The following AUTS2 variants were observed in gnomAD, a reference collection of about 807,000 sequenced individuals.
The protein encoded by AUTS2 is activator of transcription and developmental regulator AUTS2, also known as autism susceptibility gene 2 protein.
AUTS2 carries 17 observed loss-of-function variants against 112.4 expected under a neutral mutation model. The ratio of observed to expected loss-of-function variants is 0.15; its 90% confidence interval spans 0.10 to 0.23. The LOEUF (loss-of-function observed/expected upper bound fraction) is 0.23. AUTS2 is among the 10% of genes least tolerant of loss of function. AUTS2 has a pLI of 1.00. For missense variants in AUTS2, 1,510 were observed against 1,701.6 expected (o/e 0.89, Z 1.98); for synonymous variants, 751 against 702.7 (o/e 1.07, Z -1.09).
chr7:70,776,362 C>G (rs199739145), intron 13 of AUTS2, among the ~76,000 whole-genome samples: 1 of 152,144 alleles, frequency 6.6e-6, no homozygotes, highest in East Asian at 1.9e-4. Flanking sequence ...TCACAGCACT[C>G]CACTCCTTAT....
At chr7:70,407,348 A>G (rs1794580766) in intron 4 of AUTS2, among the ~76,000 whole-genome samples, 1 of 152,122 alleles carries the variant, frequency 6.6e-6, no homozygotes, top group African/African-American at 2.4e-5. Context: ...TCTTTTTTGC[A>G]GCTGTCTTTG....
intron 4 of AUTS2, among the ~76,000 whole-genome samples, chr7:70,407,311 A>C (rs944879356): frequency 1.3e-5 from 2 of 152,216 alleles, no homozygotes; most frequent in African/African-American, 4.8e-5. Flanking sequence ...TGTTAATTAC[A>C]GTGATACCAC....
At chr7:70,003,434 GT>G (rs1287275758) in intron 2 of AUTS2, among the ~76,000 whole-genome samples, 1 of 120,460 alleles carries the variant, frequency 8.3e-6, no homozygotes, top group Non-Finnish European at 1.6e-5. Context: ...ATATGAATAT[GT>G]TATATATGAA....
intron 1 of AUTS2, among the ~76,000 whole-genome samples, chr7:69,760,189 C>A (rs1178122572): frequency 9.4e-5 from 13 of 137,922 alleles, no homozygotes; most frequent in African/African-American, 3.0e-4. Flanking sequence ...AAAAAAAGTT[C>A]TTTTTTTCTT....
At chr7:70,613,103 C>G (rs566546586) in intron 5 of AUTS2, among the ~76,000 whole-genome samples, 2 of 152,114 alleles carry the variant, frequency 1.3e-5, no homozygotes, top group African/African-American at 4.8e-5. Flanking sequence ...ATGTTCTTTC[C>G]TATCATTAGC....
intron 1 of AUTS2, among the ~76,000 whole-genome samples, chr7:69,602,100 CACTT>C (rs1345599035): frequency 6.9e-6 from 1 of 145,518 alleles, no homozygotes; most frequent in African/African-American, 2.6e-5. Flanking sequence ...GTGTATATCT[CACTT>C]ATGCAGTTCT....
chr7:70,060,460 CTG>C (rs1286655176), intron 2 of AUTS2, among the ~76,000 whole-genome samples: 32 of 152,172 alleles, frequency 2.1e-4, no homozygotes, highest in Non-Finnish European at 2.9e-5. Context: ...GGCTGGCAAT[CTG>C]TGTTGTAAGC....
At chr7:70,283,392 A>G (rs1186222518) in intron 4 of AUTS2, among the ~76,000 whole-genome samples, 1 of 152,180 alleles carries the variant, frequency 6.6e-6, no homozygotes, top group Non-Finnish European at 1.5e-5. Flanking sequence ...ATGCAACATT[A>G]TTTTATGTAC....
At chr7:69,750,964 G>A (rs924075641) in intron 1 of AUTS2, among the ~76,000 whole-genome samples, 1 of 151,954 alleles carries the variant, frequency 6.6e-6, no homozygotes, top group Non-Finnish European at 1.5e-5. Flanking sequence ...AAAAGGAGAA[G>A]GGCATTGGAA....
chr7:69,647,218 A>G (rs942279652), intron 1 of AUTS2, among the ~76,000 whole-genome samples: 2 of 152,142 alleles, frequency 1.3e-5, no homozygotes, highest in South Asian at 2.1e-4. Context: ...TAATGATTGG[A>G]ATTTCAGACT....
intron 1 of AUTS2, among the ~76,000 whole-genome samples, chr7:69,633,151 A>T (rs1263008789): frequency 6.6e-6 from 1 of 152,188 alleles, no homozygotes; most frequent in African/African-American, 2.4e-5. Context: ...TTTGAAAAAA[A>T]TTTTTAAGAT....
intron 2 of AUTS2, among the ~76,000 whole-genome samples, chr7:70,106,886 C>A (rs1804793263): frequency 6.6e-6 from 1 of 151,596 alleles, no homozygotes; most frequent in Non-Finnish European, 1.5e-5. Context: ...CTGTAGTGAT[C>A]TTTAACAACA....
intron 4 of AUTS2, chr7:70,291,973 T>A: frequency 6.6e-6 from 1 of 152,236 alleles, no homozygotes; most frequent in East Asian, 1.9e-4. Flanking sequence ...TGTCATTATA[T>A]GTGGTGTCAG....
intron 5 of AUTS2, among the ~76,000 whole-genome samples, chr7:70,444,831 A>C (rs1796259139): frequency 6.6e-6 from 1 of 152,142 alleles, no homozygotes. Flanking sequence ...AAAGACCAGT[A>C]AGCCCTGTGG....
At chr7:70,266,946 C>T (rs1787456944) in intron 4 of AUTS2, among the ~76,000 whole-genome samples, 1 of 152,228 alleles carries the variant, frequency 6.6e-6, no homozygotes, top group Non-Finnish European at 1.5e-5. Flanking sequence ...TTGCAGATTG[C>T]CTCCTTGTCT....
chr7:70,131,732 A>G (rs1806281773), intron 3 of AUTS2, among the ~76,000 whole-genome samples: 1 of 152,084 alleles, frequency 6.6e-6, no homozygotes, highest in Non-Finnish European at 1.5e-5. Flanking sequence ...TTATAAATAT[A>G]TGACAGAGAC....
At chr7:70,032,527 T>C (rs2129556693) in intron 2 of AUTS2, among the ~76,000 whole-genome samples, 1 of 152,150 alleles carries the variant, frequency 6.6e-6, no homozygotes, top group African/African-American at 2.4e-5. Flanking sequence ...CCTATGATCA[T>C]CCTTAAAAAA....
intron 4 of AUTS2, among the ~76,000 whole-genome samples, chr7:70,333,695 A>G (rs1790861820): frequency 6.6e-6 from 1 of 152,180 alleles, no homozygotes; most frequent in South Asian, 2.1e-4. Context: ...TTCTCAGCAA[A>G]CTAACACAAG....
At chr7:70,099,569 A>G (rs1804380180) in intron 2 of AUTS2, among the ~76,000 whole-genome samples, 1 of 152,002 alleles carries the variant, frequency 6.6e-6, no homozygotes, top group Non-Finnish European at 1.5e-5. Flanking sequence ...AGTGACAGTA[A>G]GGTTTCTGGG....
Sources: allele counts gnomAD v4.1 joint callset (sites outside exome capture counted in the v4.1 genomes callset), GRCh38; gene constraint gnomAD v4.1.1; transcripts MANE v1.5; gene names NCBI Gene and HGNC (gene_info 2026-07-23, HGNC 2026-07-21).